Variants in C5orf34 observed in about 807,000 individuals in gnomAD.
C5orf34 encodes chromosome 5 open reading frame 34.
C5orf34 carries 73 observed loss-of-function variants against 78.4 expected under a neutral mutation model. The observed-to-expected ratio is 0.93, with a 90% CI of 0.77 to 1.13. The LOEUF is 1.13. C5orf34 is among the 50% of genes most tolerant of loss of function. The pLI is 0.00. For synonymous variants in C5orf34, 251 were observed against 246.6 expected (o/e 1.02, Z -0.17); for missense variants, 730 against 732.7 (o/e 1.00, Z 0.04).
chr5:43,500,844 AT>A (rs1167543546), intron 6 of C5orf34, among the ~76,000 whole-genome samples: 8 of 152,338 alleles, frequency 5.3e-5, no homozygotes, highest in African/African-American at 1.9e-4. Context: ...TCTAACACTT[AT>A]AAAGTTTGGT....
At chr5:43,488,669 T>C (rs1745153691) in intron 11 of C5orf34, among the ~76,000 whole-genome samples, 1 of 152,134 alleles carries the variant, frequency 6.6e-6, no homozygotes. Context: ...TCTTATACCA[T>C]GTTCTATAGA....
At chr5:43,497,604 A>G (rs1745591709) in intron 6 of C5orf34, among the ~76,000 whole-genome samples, 1 of 152,200 alleles carries the variant, frequency 6.6e-6, no homozygotes, top group Non-Finnish European at 1.5e-5. Flanking sequence ...ACCTTTTGTA[A>G]GCCTCAGTGC....
In C5orf34 at chr5:43,496,186, A is replaced by G. The variant is rs987942827; in HGVS notation, c.1153-1585T>C. On this transcript the variant is annotated intron_variant, in intron 6 of 12. Transcript: ENST00000306862. Reference sequence around the variant, plus strand: ...GAAGTCTCTGAGTCCTGGGGCATCAATGATAGTCACATAGTACTTGCTGGT... The same window carrying G: ...GAAGTCTCTGAGTCCTGGGGCATCAGTGATAGTCACATAGTACTTGCTGGT... 6 of 1,549,972 alleles carry G rather than the reference A, an allele frequency of 3.9e-6. No homozygotes were observed. The African/African-American group carries it at 6.8e-5, about 18-fold the overall frequency.
intron 3 of C5orf34, among the ~76,000 whole-genome samples, chr5:43,507,935 G>A (rs1191129286): frequency 4.6e-5 from 7 of 152,126 alleles, no homozygotes; most frequent in African/African-American, 1.2e-4. Context: ...GAAATTAGCC[G>A]GGTGTGGTGG....
At chr5:43,506,988 C>T (rs936000820) in intron 3 of C5orf34, among the ~76,000 whole-genome samples, 2 of 152,072 alleles carry the variant, frequency 1.3e-5, no homozygotes, top group Non-Finnish European at 2.9e-5. Context: ...TAAACTAGTA[C>T]TAGAATTACT....
chr5:43,502,286 G>T lies in C5orf34; in HGVS notation c.1152+86C>A, dbSNP rs1745789212. 5.8e-6 allele frequency: 8 copies of T among 1,384,458 alleles called. No homozygotes were observed. In the Admixed American group the frequency reaches 9.4e-5, roughly 16 times the overall value. The allele number at this position is 1,384,458 out of a possible 1,614,324, so 85.8% of individuals were successfully genotyped here. A position where few individuals can be genotyped will look rare whatever the true frequency, so the allele number is the denominator to read the frequency against. ...GGAGTAGGAAGCAATGTTATATAAT[G>T]ACCAAATTTCCCATATATATTTGGA... is the stretch of plus-strand genomic sequence containing the variant. On this transcript the variant is annotated intron_variant, in intron 6 of 12. Transcript: ENST00000306862.
chr5:43,514,705 T>G (rs1284296214), intron 1 of C5orf34, 101 bp downstream of exon 1: 1 of 152,180 alleles, frequency 6.6e-6, no homozygotes, highest in Non-Finnish European at 1.5e-5. Flanking sequence ...TCCACAAGTC[T>G]GTTCTTGACA....
At chr5:43,511,532 C>A (rs1285300998) in intron 1 of C5orf34, among the ~76,000 whole-genome samples, 1 of 152,198 alleles carries the variant, frequency 6.6e-6, no homozygotes, top group Admixed American at 6.5e-5. Context: ...GGGAGGTGTA[C>A]CCAACAGCTC....
At chr5:43,514,510 G>C (rs772080838) in intron 1 of C5orf34, among the ~76,000 whole-genome samples, 2 of 151,880 alleles carry the variant, frequency 1.3e-5, no homozygotes, top group Non-Finnish European at 2.9e-5. Flanking sequence ...TTACTGAGGC[G>C]GTTTTCTAAT....
At chr5:43,510,978 T>A in intron 1 of C5orf34, 1 of 204,484 alleles carries the variant, frequency 4.9e-6, no homozygotes, top group South Asian at 6.7e-5. Flanking sequence ...CCGGCCGCCA[T>A]CCCATCTAGG....
chr5:43,511,336 TCCGGCAGCCGCCCC>T (rs879342340), intron 1 of C5orf34: 2,116 of 155,866 alleles, frequency 0.014, 58 homozygotes, highest in East Asian at 0.12. Context: ...AGCCGCCCCG[TCCGGCAGCCGCCCC>T]GTCCGGGAGG....
At chr5:43,496,055 T>G in intron 6 of C5orf34, 1 of 1,584,086 alleles carries the variant, frequency 6.3e-7, no homozygotes, top group Non-Finnish European at 8.6e-7. Context: ...AAGGGCATGC[T>G]CTCAGGTCTG....
intron 4 of C5orf34, among the ~76,000 whole-genome samples, chr5:43,504,936 G>T (rs1359373708): frequency 6.6e-6 from 1 of 152,112 alleles, no homozygotes; most frequent in Admixed American, 6.5e-5. Flanking sequence ...CTCAGAGATT[G>T]CCTGGGATCA....
chr5:43,497,671 GATATA>G (rs1745594968), intron 6 of C5orf34, among the ~76,000 whole-genome samples: 1 of 152,136 alleles, frequency 6.6e-6, no homozygotes, highest in African/African-American at 2.4e-5. Flanking sequence ...GAGGATTAAT[GATATA>G]ATATACATAT....
At chr5:43,503,570 C>T in intron 5 of C5orf34, 95 bp downstream of exon 5, 1 of 852,368 alleles carries the variant, frequency 1.2e-6, no homozygotes, top group Non-Finnish European at 2.0e-6. Flanking sequence ...ACTGTGTCCT[C>T]TTCTGAGAGT....
At chr5:43,496,592 T>A (rs890305203) in intron 6 of C5orf34, 1 of 309,448 alleles carries the variant, frequency 3.2e-6, no homozygotes, top group Non-Finnish European at 4.8e-6. Flanking sequence ...ATTTTTTTTT[T>A]TTTTTTTTTT....
intron 6 of C5orf34, 149 bp from the exon 7 acceptor site, chr5:43,494,750 T>C (rs536596271): frequency 4.3e-5 from 22 of 517,270 alleles, no homozygotes; most frequent in African/African-American, 3.9e-4. Flanking sequence ...TGGTATTTTA[T>C]GATGCTTTTT....
intron 6 of C5orf34, among the ~76,000 whole-genome samples, chr5:43,500,236 T>C (rs1022872499): frequency 6.6e-6 from 1 of 152,248 alleles, no homozygotes; most frequent in African/African-American, 2.4e-5. Context: ...ATTATGACTT[T>C]TTAATTTACA....
chr5:43,503,951 T>C (rs995646437), intron 4 of C5orf34, among the ~76,000 whole-genome samples, 191 bp from the exon 5 acceptor site: 2 of 152,216 alleles, frequency 1.3e-5, no homozygotes, highest in African/African-American at 4.8e-5. Flanking sequence ...TTTTCACTAT[T>C]TTCAATAATC....
Sources: allele counts gnomAD v4.1 joint callset (sites outside exome capture counted in the v4.1 genomes callset), GRCh38; gene constraint gnomAD v4.1.1; transcripts MANE v1.5; gene names NCBI Gene and HGNC (gene_info 2026-07-23, HGNC 2026-07-21).